Variants in KLHDC3 observed in about 807,000 individuals in gnomAD.
KLHDC3 encodes the protein kelch domain-containing protein 3.
A neutral mutation model predicts 44.1 loss-of-function variants in KLHDC3; 5 were observed. That is an observed-to-expected ratio of 0.11 (90% CI 0.06 to 0.24). The LOEUF (loss-of-function observed/expected upper bound fraction) is 0.24, where lower values mean the gene tolerates loss of function less well. KLHDC3 is among the 10% of genes least tolerant of loss of function. The probability of loss-of-function intolerance (pLI) is 1.00; values close to 1 mark genes in which losing one functional copy is unlikely to be tolerated. For missense variants in KLHDC3, 247 were observed against 514.3 expected, an observed-to-expected ratio of 0.48 and a Z score of 5.03; for synonymous variants, 170 against 189.0, an observed-to-expected ratio of 0.90 and a Z score of 0.82.
intron 1 of KLHDC3, chr6:43,016,439 G>A (rs1438289647): frequency 6.6e-6 from 1 of 152,280 alleles, no homozygotes; most frequent in Non-Finnish European, 1.5e-5. Context: ...TTAAGTCCTG[G>A]CAGCATACCA....
At chr6:43,014,684 TAG>T (rs1762517667) in intron 1 of KLHDC3, 4 of 453,794 alleles carry the variant, frequency 8.8e-6, no homozygotes, top group Admixed American at 2.4e-5. Context: ...AAGACAGGGA[TAG>T]AGTCATATGC....
chr6:43,019,581 G>A (rs1289878853), intron 10 of KLHDC3, among the ~76,000 whole-genome samples: 1 of 152,026 alleles, frequency 6.6e-6, no homozygotes, highest in African/African-American at 2.4e-5. Context: ...AATACAGCTC[G>A]GCAGCATCAC....
At chr6:43,016,415 C>T (rs1762575840) in intron 1 of KLHDC3, 1 of 152,310 alleles carries the variant, frequency 6.6e-6, no homozygotes, top group Admixed American at 6.5e-5. Context: ...TAAGCATACA[C>T]ATACCTTTCT....
At position 43,017,619 on chromosome 6, in the gene KLHDC3, C is replaced by T. The variant is rs777080920; in HGVS notation, c.255C>T (p.Ile85=). The T allele has an allele frequency of 2.5e-5, 40 of 1,613,986 alleles. No homozygotes were observed. Among genetic ancestry groups the T allele is most frequent in the Non-Finnish European group, 3.1e-5 (36 of 1,179,984 alleles). The change falls in exon 3 of 11, where the codon ATC becomes ATT. Residue 85 remains isoleucine (I), a synonymous_variant. Coordinates refer to ENST00000326974, the MANE Select transcript of KLHDC3 (RefSeq NM_057161.4). This position sits in a 1 kb window ranked among gnomAD's most constrained non-coding sequence, Gnocchi z 6.0. The part of the protein sequence containing the change: ...YMRYGHSTVL[I]DDTVLLWGGR... ...GCTATGGACACTCAACCGTCCTCAT[C>T]GACGACACAGTCCTCCTTTGGGGCG...
rs567723860 is a variant in KLHDC3, at chr6:43,020,768, C to CT, written c.*36dup. The CT allele has an allele frequency of 3.0e-4, 458 of 1,532,360 alleles. No homozygotes were observed. In the African/African-American group the frequency reaches 5.3e-3, roughly 18 times the overall value. 94.9% of individuals were successfully genotyped at this position (1,532,360 alleles called of 1,614,324 possible). On this transcript the variant is annotated 3_prime_UTR_variant, in exon 11 of 11. Transcript: ENST00000326974. ...TCTGCCACCTCCCCTCCTGAGCCTG[C>CT]TGTCATCTTCACTGCCCCTGCCCAT...
At position 43,017,542 on chromosome 6, in the gene KLHDC3, C is replaced by A; in HGVS notation, c.178C>A (p.Pro60Thr). The A allele has an allele frequency of 6.2e-7, 1 of 1,605,184 alleles. No homozygotes were observed. Among genetic ancestry groups the A allele is most frequent in the Non-Finnish European group, 8.5e-7 (1 of 1,174,786 alleles). ...AGTGTCCTTGCGTTGGACAAAGCTG[C>A]CCCCGGTGAAGTCTGCCATCCGTGG... is the stretch of plus-strand genomic sequence containing the variant. ...NAVSLRWTKL[P>T]PVKSAIRGQA... Residue 60 changes from proline (P) to threonine (T), a missense_variant, in exon 3 of 11, where the codon CCC becomes ACC. Transcript: ENST00000326974. This position sits in a 1 kb window ranked among gnomAD's most constrained non-coding sequence, Gnocchi z 6.0.
Position 43,020,780 on chromosome 6 carries a change from C to G in KLHDC3, c.*47C>G, listed in dbSNP as rs1283385392. 1 of 1,428,178 alleles carries G rather than the reference C, an allele frequency of 7.0e-7. No individual in the cohort carries two copies. The highest frequency in any genetic ancestry group is 1.4e-5 in the African/African-American group (1 of 71,160). The allele number at this position is 1,428,178 out of a possible 1,614,324, so 88.5% of individuals were successfully genotyped here. On this transcript the variant is annotated 3_prime_UTR_variant, in exon 11 of 11. Coordinates refer to ENST00000326974, the MANE Select transcript of KLHDC3 (RefSeq NM_057161.4). ...CCTCCTGAGCCTGCTGTCATCTTCACTGCCCCTGCCCATCTGTCACCCACC... is the reference window on the plus strand; with the variant it reads ...CCTCCTGAGCCTGCTGTCATCTTCAGTGCCCCTGCCCATCTGTCACCCACC...
intron 8 of KLHDC3, 54 bp downstream of exon 8, chr6:43,019,025 G>A: frequency 6.4e-7 from 1 of 1,564,134 alleles, no homozygotes; most frequent in South Asian, 1.1e-5. Flanking sequence ...GAGAGTGGGA[G>A]GTATTTGAAA....
chr6:43,021,005 G>A lies in KLHDC3; in HGVS notation c.*272G>A. 3.3e-6 allele frequency: 2 copies of A among 602,966 alleles called. No individual in the cohort carries two copies. The highest frequency in any genetic ancestry group is 3.0e-5 in the South Asian group (2 of 65,880). 37.4% of individuals were successfully genotyped at this position (602,966 alleles called of 1,614,324 possible). On this transcript the variant is annotated 3_prime_UTR_variant, in exon 11 of 11. Coordinates refer to ENST00000326974, the MANE Select transcript of KLHDC3 (RefSeq NM_057161.4). ...TGCTCCTGGGCCTCAGCTCTGCCCA[G>A]GGCCAGCCAGGTTCTGCTGGGAAGG...
chr6:43,020,893 T>TAC lies in KLHDC3; in HGVS notation c.*160_*161insAC, dbSNP rs1762676736. The TAC allele has an allele frequency of 5.4e-5, 37 of 688,518 alleles. No homozygotes were observed. In the South Asian group the frequency reaches 5.7e-4, roughly 11 times the overall value. 42.7% of individuals were successfully genotyped at this position (688,518 alleles called of 1,614,324 possible). Reference sequence around the variant, plus strand: ...CTGTGCTGTGAATTCAGTGGGGAGCTGTAGCGGGGTGGGGGCTAGGTTCCT... The same window carrying TAC: ...CTGTGCTGTGAATTCAGTGGGGAGCTACGTAGCGGGGTGGGGGCTAGGTTCCT... On this transcript the variant is annotated 3_prime_UTR_variant, in exon 11 of 11. Transcript: ENST00000326974.
In KLHDC3 at chr6:43,014,325, C is replaced by T. The variant is rs1762502148; in HGVS notation, c.-83C>T. On this transcript the variant is annotated 5_prime_UTR_variant, in exon 1 of 11. Coordinates refer to ENST00000326974, the MANE Select transcript of KLHDC3 (RefSeq NM_057161.4). ...CTGCAGGCAGCTCGAGGACCCGCGG[C>T]CCCGCCCCGGCTCGGCCTGGCAGGT... 2 of 630,686 alleles carry T rather than the reference C, an allele frequency of 3.2e-6. No homozygotes were observed. The highest frequency in any genetic ancestry group is 4.2e-4 in the Middle Eastern group (1 of 2,372). The allele number at this position is 630,686 out of a possible 1,614,324, so 39.1% of individuals were successfully genotyped here.
chr6:43,018,772 AAAG>A lies in KLHDC3; in HGVS notation c.820+56_820+58del. ...ACAAGGAGCAATTGAGGTGGGAGGA[AAAG>A]AAAATAATCCTGAGGCGGTGAGGGA... On this transcript the variant is annotated intron_variant, in intron 7 of 10. Transcript: ENST00000326974. The surrounding 1 kb of genome is among the most constrained non-coding windows in gnomAD (Gnocchi z 6.0). The A allele has an allele frequency of 6.3e-7, 1 of 1,576,916 alleles. No homozygotes were observed. Among genetic ancestry groups the A allele is most frequent in the Non-Finnish European group, 8.7e-7 (1 of 1,146,066 alleles).
Position 43,018,721 on chromosome 6 carries a change from T to TA in KLHDC3, c.820+5dup. 1 of 1,612,216 alleles carries TA rather than the reference T, an allele frequency of 6.2e-7. No individual in the cohort carries two copies. Among genetic ancestry groups the TA allele is most frequent in the Non-Finnish European group, 8.5e-7 (1 of 1,178,430 alleles). On this transcript the variant is annotated splice_region_variant and intron_variant, in intron 7 of 10. Transcript: ENST00000326974. This position sits in a 1 kb window ranked among gnomAD's most constrained non-coding sequence, Gnocchi z 6.0. ...ATGACCTCTGGAAGTTTAATCCTGG[T>TA]AAAGAGCACTGCATTTAGGGCAGGA...
At position 43,018,943 on chromosome 6, in the gene KLHDC3, G is replaced by C. The variant is rs1301502166; in HGVS notation, c.901G>C (p.Asp301His). The C allele has an allele frequency of 6.2e-7, 1 of 1,612,366 alleles. No homozygotes were observed. The highest frequency in any genetic ancestry group is 8.5e-7 in the Non-Finnish European group (1 of 1,179,070). ...RRRQCCCIVG[D>H]KIVLFGGTSP... ...GCGCCAGTGCTGCTGTATTGTTGGT[G>C]ACAAGATTGTCCTCTTTGGGGGTAC... Residue 301 changes from aspartate (D) to histidine (H), a missense_variant, in exon 8 of 11, where the codon GAC becomes CAC. Around this residue, in one of 2 missense-constraint regions of KLHDC3, gnomAD observed 176 missense variants for 413.5 expected, o/e 0.43. Transcript: ENST00000326974. The surrounding 1 kb of genome is among the most constrained non-coding windows in gnomAD (Gnocchi z 6.0).
chr6:43,016,508 C>T (rs1299287857), intron 1 of KLHDC3: 1 of 152,404 alleles, frequency 6.6e-6, no homozygotes, highest in Non-Finnish European at 1.5e-5. Context: ...ACCCCAATGA[C>T]AACAACTCAG....
In KLHDC3 at chr6:43,014,362, G is replaced by C; in HGVS notation, c.-60+14G>C. ...TCGGCCTGGCAGGTAGCCTGGGATG[G>C]GTAGAAGGGCAAGGGAGAATTAGGG... is the stretch of plus-strand genomic sequence containing the variant. On this transcript the variant is annotated intron_variant, in intron 1 of 10. Transcript: ENST00000326974. 1.6e-6 allele frequency: 1 copy of C among 621,318 alleles called. No individual in the cohort carries two copies. The highest frequency in any genetic ancestry group is 1.7e-5 in the South Asian group (1 of 57,332). 38.5% of individuals were successfully genotyped at this position (621,318 alleles called of 1,614,324 possible).
At position 43,020,906 on chromosome 6, in the gene KLHDC3, G is replaced by C. The variant is rs1174823883; in HGVS notation, c.*173G>C. ...TCAGTGGGGAGCTGTAGCGGGGTGGGGGCTAGGTTCCTCCCCCCTTGGGCC... is the reference window on the plus strand; with the variant it reads ...TCAGTGGGGAGCTGTAGCGGGGTGGCGGCTAGGTTCCTCCCCCCTTGGGCC... On this transcript the variant is annotated 3_prime_UTR_variant, in exon 11 of 11. Transcript: ENST00000326974. 4.4e-6 allele frequency: 3 copies of C among 681,598 alleles called. No individual in the cohort carries two copies. The South Asian group carries it at 4.7e-5, about 11-fold the overall frequency. The allele number at this position is 681,598 out of a possible 1,614,324, so 42.2% of individuals were successfully genotyped here.
rs1362166565 is a variant in KLHDC3 at position 43,017,476 on chromosome 6, C to A, written c.155-43C>A. 1 of 1,564,176 alleles carries A rather than the reference C, an allele frequency of 6.4e-7. No homozygotes were observed. The highest frequency in any genetic ancestry group is 1.4e-5 in the African/African-American group (1 of 73,942). On this transcript the variant is annotated intron_variant, in intron 2 of 10. Transcript: ENST00000326974. This position sits in a 1 kb window ranked among gnomAD's most constrained non-coding sequence, Gnocchi z 6.0. ...CATCTGGTTTGGGAAAAGTGGACAG[C>A]CTGGAGGGAGGTTCCCAGGGCTGAG... is the stretch of plus-strand genomic sequence containing the variant.
intron 1 of KLHDC3, chr6:43,014,703 G>C (rs927925585): frequency 1.1e-5 from 5 of 443,902 alleles, no homozygotes; most frequent in African/African-American, 1.0e-4. Flanking sequence ...ATGCAGAGAG[G>C]GGTATCGTGG....
Sources: gnomAD v4.1 joint callset for allele counts (sites outside exome capture counted in the v4.1 genomes callset) on GRCh38, gnomAD v4.1.1 for gene constraint, gnomAD v4.1.1 regional missense constraint, Gnocchi (gnomAD v3.1) non-coding constraint, MANE v1.5 for transcripts, NCBI Gene and HGNC (gene_info 2026-07-23, HGNC 2026-07-21) for gene names.